The following P2RX6 variants were observed in gnomAD, a reference collection of about 807,000 sequenced individuals.
The protein encoded by P2RX6 is P2X purinoceptor 6.
A neutral mutation model predicts 54.2 loss-of-function variants in P2RX6; 62 were observed. That is an observed-to-expected ratio of 1.14 (90% CI 0.93 to 1.41). The LOEUF (loss-of-function observed/expected upper bound fraction) is 1.41, where lower values mean the gene tolerates loss of function less well. Ranked by LOEUF, P2RX6 falls within the 40% of genes most tolerant of loss-of-function variation. P2RX6 has a pLI of 0.00. For synonymous variants in P2RX6, 211 were observed against 231.9 expected, an observed-to-expected ratio of 0.91 and a Z score of 0.82; for missense variants, 541 against 566.3, an observed-to-expected ratio of 0.96 and a Z score of 0.45.
Position 21,026,768 on chromosome 22 carries a change from G to A in P2RX6, c.*151G>A. On this transcript the variant is annotated 3_prime_UTR_variant, in exon 12 of 12. Transcript: ENST00000413302. The surrounding 1 kb of genome is among the most constrained non-coding windows in gnomAD (Gnocchi z 4.0). ...CCTCCCCTGACTCCCACCTTGGTAG[G>A]GTGCTGCCTCAGGGAGCCATAGAAG... 7.1e-7 allele frequency: 1 copy of A among 1,416,260 alleles called. No individual in the cohort carries two copies. The highest frequency in any genetic ancestry group is 9.3e-7 in the Non-Finnish European group (1 of 1,077,478). 87.7% of individuals were successfully genotyped at this position (1,416,260 alleles called of 1,614,324 possible).
rs1046768233 is a variant in P2RX6 at position 21,017,866 on chromosome 22, A to AG, written c.316-118dup. On this transcript the variant is annotated intron_variant, in intron 2 of 11. Coordinates refer to ENST00000413302, the MANE Select transcript of P2RX6 (RefSeq NM_005446.5). ...CCATCTCTGCTTCAGTCTGCCTTAC[A>AG]GGGGGACAGGGTTAATGACTTGATG... The AG allele has an allele frequency of 1.3e-4, 93 of 719,772 alleles. No homozygotes were observed. In the Middle Eastern group the frequency reaches 2.9e-3, roughly 23 times the overall value. The allele number at this position is 719,772 out of a possible 1,614,324, so 44.6% of individuals were successfully genotyped here.
chr22:21,025,071 G>A (rs531171434), intron 8 of P2RX6, among the ~76,000 whole-genome samples: 1 of 150,792 alleles, frequency 6.6e-6, no homozygotes, highest in East Asian at 2.0e-4. Flanking sequence ...ACTAGAGATG[G>A]GGTTTCACCA....
intron 8 of P2RX6, 50 bp downstream of exon 8, chr22:21,023,668 C>T (rs752523742): frequency 1.4e-6 from 2 of 1,391,466 alleles, no homozygotes; most frequent in South Asian, 2.5e-5. Flanking sequence ...ATCGCCCTCT[C>T]ACTGTGGCGG....
chr22:21,025,779 A>G, intron 8 of P2RX6, 26 bp from the exon 9 acceptor site: 2 of 1,538,874 alleles, frequency 1.3e-6, no homozygotes, highest in Middle Eastern at 1.7e-4. Flanking sequence ...AAAGCAGGTC[A>G]CCAGAGCCTT....
chr22:21,019,431 C>T (rs184715726), intron 3 of P2RX6, among the ~76,000 whole-genome samples: 1 of 152,312 alleles, frequency 6.6e-6, no homozygotes, highest in Non-Finnish European at 1.5e-5. Flanking sequence ...TTCTCCTGCT[C>T]ACCCCCTGAG....
Position 21,026,671 on chromosome 22 carries a change from G to A in P2RX6, c.*54G>A, listed in dbSNP as rs1928523446. On this transcript the variant is annotated 3_prime_UTR_variant, in exon 12 of 12. Coordinates refer to ENST00000413302, the MANE Select transcript of P2RX6 (RefSeq NM_005446.5). The surrounding 1 kb of genome is among the most constrained non-coding windows in gnomAD (Gnocchi z 4.0). The stretch of plus-strand genomic sequence containing the variant: ...CTGGGAAGGGCGGGGCCCTGCCTGG[G>A]GATCTCAAGGATGAGGCCCCAGCAT... 9.8e-6 allele frequency: 15 copies of A among 1,525,150 alleles called. No individual in the cohort carries two copies. The highest frequency in any genetic ancestry group is 2.0e-5 in the Admixed American group (1 of 49,700). The allele number at this position is 1,525,150 out of a possible 1,614,324, so 94.5% of individuals were successfully genotyped here. A position where few individuals can be genotyped will look rare whatever the true frequency, so the allele number is the denominator to read the frequency against.
At chr22:21,016,794 C>A (rs1926479266) in intron 2 of P2RX6, among the ~76,000 whole-genome samples, 1 of 152,104 alleles carries the variant, frequency 6.6e-6, no homozygotes, top group South Asian at 2.1e-4. Flanking sequence ...CGTTTTCCTC[C>A]TCCCTCCACC....
intron 3 of P2RX6, among the ~76,000 whole-genome samples, chr22:21,021,599 A>G (rs1394363752): frequency 1.3e-5 from 2 of 152,116 alleles, no homozygotes; most frequent in African/African-American, 4.8e-5. Context: ...GGCTTCTCAG[A>G]GGCCCTCAGC....
At chr22:21,025,150 G>A (rs1024118670) in intron 8 of P2RX6, among the ~76,000 whole-genome samples, 1 of 152,086 alleles carries the variant, frequency 6.6e-6, no homozygotes, top group African/African-American at 2.4e-5. Context: ...CAAAGTGCTG[G>A]GATTACAGGT....
intron 3 of P2RX6, among the ~76,000 whole-genome samples, chr22:21,022,233 G>T (rs1462360253): frequency 2.6e-5 from 4 of 152,178 alleles, no homozygotes; most frequent in Admixed American, 2.6e-4. Context: ...AATCAGCCAG[G>T]CACAGTGGTG....
rs535234349 is a variant in P2RX6, at chr22:21,027,801, C to T, written c.*1184C>T. The T allele has an allele frequency of 6.6e-6, 1 of 152,530 alleles. No individual in the cohort carries two copies. The highest frequency in any genetic ancestry group is 2.1e-4 in the South Asian group (1 of 4,830). 9.4% of individuals were successfully genotyped at this position (152,530 alleles called of 1,614,324 possible). On this transcript the variant is annotated 3_prime_UTR_variant, in exon 12 of 12. Transcript: ENST00000413302. ...ATCTAGAATCACCTGCCACCTGGAG[C>T]CTCAGTAAAATGCCTGGGGTCCCTG...
chr22:21,013,413 C>A (rs764503935), upstream of P2RX6, among the ~76,000 whole-genome samples: 8 of 152,222 alleles, frequency 5.3e-5, no homozygotes, highest in Non-Finnish European at 1.2e-4. Context: ...ACAACCTGGG[C>A]AACATAGCGA....
At position 21,026,215 on chromosome 22, in the gene P2RX6, C is replaced by T. The variant is rs191586119; in HGVS notation, c.1051-37C>T. The stretch of plus-strand genomic sequence containing the variant: ...TGGGGAGGTGGCAGGAGAGCAGGCT[C>T]GGGGGCTGGAACATGGGTTGGCCCT... On this transcript the variant is annotated intron_variant, in intron 10 of 11. Coordinates refer to ENST00000413302, the MANE Select transcript of P2RX6 (RefSeq NM_005446.5). The surrounding 1 kb of genome is among the most constrained non-coding windows in gnomAD (Gnocchi z 4.0). The T allele has an allele frequency of 9.6e-4, 1,493 of 1,559,912 alleles. 8 individuals carry two copies. In the African/African-American group the frequency reaches 0.014, roughly 15 times the overall value.
upstream of P2RX6, among the ~76,000 whole-genome samples, chr22:21,010,755 C>T (rs868449836): frequency 3.5e-4 from 53 of 152,124 alleles, no homozygotes; most frequent in African/African-American, 1.2e-3. Flanking sequence ...TTCTACCTCA[C>T]CTGGAACAAA....
chr22:21,018,130 T>C, intron 3 of P2RX6, 70 bp downstream of exon 3: 2 of 989,104 alleles, frequency 2.0e-6, no homozygotes, highest in Non-Finnish European at 3.2e-6. Flanking sequence ...CACCCGTGTT[T>C]CCCTTTCCCC....
At chr22:21,020,849 C>T (rs1927263900) in intron 3 of P2RX6, among the ~76,000 whole-genome samples, 1 of 151,740 alleles carries the variant, frequency 6.6e-6, no homozygotes, top group Non-Finnish European at 1.5e-5. Context: ...ACCTTGGCTT[C>T]TCAAAGTGTT....
At chr22:21,015,152 G>A, upstream of P2RX6, 2 of 1,415,258 alleles carry the variant, frequency 1.4e-6, no homozygotes, top group Admixed American at 5.6e-5. Context: ...GTTCAGCTGC[G>A]GCTGCAGCTG....
chr22:21,011,541 G>T (rs1336799549), upstream of P2RX6: 4 of 714,522 alleles, frequency 5.6e-6, no homozygotes, highest in Non-Finnish European at 1.0e-5. Context: ...GGGCGGCACA[G>T]AGGGCCTGGG....
At chr22:21,013,159 G>A (rs1018208560), upstream of P2RX6, 9 of 164,502 alleles carry the variant, frequency 5.5e-5, no homozygotes, top group East Asian at 1.9e-4. Context: ...GGGTGTCCCC[G>A]ACCAGTTCTC....
Sources: allele counts gnomAD v4.1 joint callset (sites outside exome capture counted in the v4.1 genomes callset), GRCh38; gene constraint gnomAD v4.1.1; non-coding constraint Gnocchi (gnomAD v3.1); transcripts MANE v1.5; gene names NCBI Gene and HGNC (gene_info 2026-07-23, HGNC 2026-07-21).